FRAS1: variants seen among roughly 807,000 people sequenced by gnomAD.
FRAS1 encodes the protein Fraser extracellular matrix complex subunit 1.
FRAS1 carries 290 observed loss-of-function variants against 435.2 expected under a neutral mutation model. The observed-to-expected ratio is 0.67, with a 90% CI of 0.61 to 0.73. The LOEUF (loss-of-function observed/expected upper bound fraction) is 0.73. Among genes scored for constraint, FRAS1 ranks in the 30% least tolerant of loss-of-function variants. The pLI is 0.00. For synonymous variants in FRAS1, 1,800 were observed against 1,851.0 expected, an observed-to-expected ratio of 0.97 and a Z score of 0.71; for missense variants, 4,860 against 5,001.5, an observed-to-expected ratio of 0.97 and a Z score of 0.85.
intron 2 of FRAS1, among the ~76,000 whole-genome samples, chr4:78,114,998 C>A (rs866275458): frequency 1.3e-5 from 2 of 151,922 alleles, no homozygotes; most frequent in African/African-American, 4.8e-5. Flanking sequence ...TTTTGAGATA[C>A]GTCCCATCAA....
chr4:78,364,849 G>T (rs893788094), intron 22 of FRAS1, among the ~76,000 whole-genome samples: 1 of 152,214 alleles, frequency 6.6e-6, no homozygotes, highest in East Asian at 1.9e-4. Flanking sequence ...TGTTCTAGGG[G>T]TACCATGCTG....
At chr4:78,372,085 G>A (rs1731538517) in intron 23 of FRAS1, among the ~76,000 whole-genome samples, 1 of 152,142 alleles carries the variant, frequency 6.6e-6, no homozygotes, top group African/African-American at 2.4e-5. Context: ...AGGTGCTTAT[G>A]GAGCAAATTA....
chr4:78,337,381 CCTTA>C (rs1169271306), intron 19 of FRAS1, among the ~76,000 whole-genome samples: 1 of 152,142 alleles, frequency 6.6e-6, no homozygotes, highest in Non-Finnish European at 1.5e-5. Context: ...ATTTGAACTT[CCTTA>C]CTTACACAGA....
At chr4:78,239,273 A>T (rs1296899173) in intron 3 of FRAS1, among the ~76,000 whole-genome samples, 12 of 152,056 alleles carry the variant, frequency 7.9e-5, no homozygotes, top group Non-Finnish European at 1.5e-5. Context: ...AAAACTTAAC[A>T]TCACTTTTGA....
At chr4:78,071,698 G>A (rs1740357427) in intron 2 of FRAS1, 1 of 152,136 alleles carries the variant, frequency 6.6e-6, no homozygotes, top group Non-Finnish European at 1.5e-5. Context: ...ACGATACTGA[G>A]GAACTGAATT....
intron 26 of FRAS1, chr4:78,379,365 T>A: frequency 4.5e-6 from 1 of 221,398 alleles, no homozygotes; most frequent in Non-Finnish European, 8.8e-6. Context: ...AGGAATGGCC[T>A]ACTCCAGCCA....
chr4:78,466,607 A>C (rs1260059779), intron 50 of FRAS1, among the ~76,000 whole-genome samples, 172 bp downstream of exon 50: 1 of 152,258 alleles, frequency 6.6e-6, no homozygotes, highest in East Asian at 1.9e-4. Flanking sequence ...TAAAATGGAC[A>C]GTAATTATCT....
chr4:78,175,774 G>A (rs1721744770), intron 2 of FRAS1, among the ~76,000 whole-genome samples: 1 of 152,094 alleles, frequency 6.6e-6, no homozygotes, highest in African/African-American at 2.4e-5. Flanking sequence ...GAAGGAAATG[G>A]CCACCCTTTC....
intron 60 of FRAS1, among the ~76,000 whole-genome samples, chr4:78,499,356 G>C (rs868477951): frequency 3.3e-5 from 5 of 152,092 alleles, no homozygotes; most frequent in Non-Finnish European, 5.9e-5. Context: ...TTTATCTAGG[G>C]CCTACTATGT....
rs1338698404 is a variant in FRAS1 at position 78,284,519 on chromosome 4, G to T, written c.1370G>T (p.Gly457Val). 6.2e-7 allele frequency: 1 copy of T among 1,611,536 alleles called. No individual in the cohort carries two copies. The change falls in exon 13 of 74, where the codon GGT becomes GTT. Residue 457 changes from glycine to valine, a missense_variant. Transcript: ENST00000512123. ...NGWCVHSCGLGFYQAGSLCLA... is the reference protein window; with the variant it reads ...NGWCVHSCGLVFYQAGSLCLA... ...TGGTGTGTGCACAGCTGTGGACTGG[G>T]TTTTTACCAAGCTGGCAGTCTCTGT...
chr4:78,175,297 C>T (rs1207785734), intron 2 of FRAS1, among the ~76,000 whole-genome samples: 1 of 152,190 alleles, frequency 6.6e-6, no homozygotes, highest in Non-Finnish European at 1.5e-5. Flanking sequence ...ATTGCTTTTA[C>T]TGTTCTTTTC....
intron 60 of FRAS1, among the ~76,000 whole-genome samples, chr4:78,497,287 T>C (rs1414134937): frequency 6.6e-6 from 1 of 152,074 alleles, no homozygotes; most frequent in African/African-American, 2.4e-5. Context: ...GGAAATACAG[T>C]TGGAATCAGT....
At chr4:78,510,903 A>C (rs917848565) in intron 63 of FRAS1, among the ~76,000 whole-genome samples, 1 of 152,230 alleles carries the variant, frequency 6.6e-6, no homozygotes, top group African/African-American at 2.4e-5. Context: ...TCATGCTCTC[A>C]GCAACAGTGA....
intron 2 of FRAS1, among the ~76,000 whole-genome samples, chr4:78,183,694 T>A (rs973626368): frequency 6.6e-6 from 1 of 151,634 alleles, no homozygotes; most frequent in Non-Finnish European, 1.5e-5. Flanking sequence ...CAGGGCATTA[T>A]TTAGGATTTA....
intron 70 of FRAS1, among the ~76,000 whole-genome samples, chr4:78,533,369 G>A (rs1721780099): frequency 6.6e-6 from 1 of 152,184 alleles, no homozygotes; most frequent in Admixed American, 6.5e-5. Flanking sequence ...AGATCATGGA[G>A]TAGAGAGCTG....
intron 2 of FRAS1, among the ~76,000 whole-genome samples, chr4:78,117,552 A>T (rs901071720): frequency 2.0e-5 from 3 of 151,624 alleles, no homozygotes; most frequent in African/African-American, 7.3e-5. Flanking sequence ...TTTTCTCTAA[A>T]CTTCTCTTCT....
chr4:78,429,073 T>C, intron 35 of FRAS1, 22 bp from the exon 36 acceptor site: 9 of 1,551,112 alleles, frequency 5.8e-6, no homozygotes, highest in Non-Finnish European at 7.9e-6. Context: ...TCTCTGTGTG[T>C]GTGTGCATTT....
intron 35 of FRAS1, among the ~76,000 whole-genome samples, chr4:78,428,378 A>T (rs1466135364): frequency 6.6e-6 from 1 of 151,706 alleles, no homozygotes; most frequent in Non-Finnish European, 1.5e-5. Flanking sequence ...GCTGGAGTGC[A>T]GTGGTGCAAT....
chr4:78,256,532 T>C (rs1280142711), intron 6 of FRAS1, among the ~76,000 whole-genome samples: 1 of 152,182 alleles, frequency 6.6e-6, no homozygotes, highest in Non-Finnish European at 1.5e-5. Context: ...GAAGACTCCA[T>C]TGGAAACCTT....
Sources: allele counts gnomAD v4.1 joint callset (sites outside exome capture counted in the v4.1 genomes callset), GRCh38; gene constraint gnomAD v4.1.1; transcripts MANE v1.5; gene names NCBI Gene and HGNC (gene_info 2026-07-23, HGNC 2026-07-21).